The following JMJD1C variants were observed in gnomAD, a reference collection of about 807,000 sequenced individuals.
The protein encoded by JMJD1C is jumonji domain containing 1C.
Under a neutral mutation model 245.3 loss-of-function variants are expected in JMJD1C, and 31 were observed. The ratio of observed to expected loss-of-function variants is 0.13; its 90% CI spans 0.09 to 0.17. The LOEUF is 0.17. JMJD1C is among the 10% of genes least tolerant of loss of function. The pLI is 1.00. For synonymous variants in JMJD1C, 1,057 were observed against 1,017.4 expected (o/e 1.04, Z -0.74); for missense variants, 2,691 against 3,000.2 (o/e 0.90, Z 2.41).
At chr10:63,187,842 T>A (rs1564570803) in intron 18 of JMJD1C, among the ~76,000 whole-genome samples, 1 of 152,206 alleles carries the variant, frequency 6.6e-6, no homozygotes, top group Admixed American at 6.5e-5. Context: ...TCAATTTGAT[T>A]ATACAGATTC....
intron 3 of JMJD1C, among the ~76,000 whole-genome samples, chr10:63,232,270 T>C (rs1850121686): frequency 6.6e-6 from 1 of 152,210 alleles, no homozygotes; most frequent in African/African-American, 2.4e-5. Context: ...GTTCATCTTT[T>C]CAAAGTTGTC....
At position 63,513,729 on chromosome 10, in the gene JMJD1C, A is replaced by G. The variant is rs900253514; in HGVS notation, n.113+8009T>C. Among the ~76,000 whole-genome samples the G allele has an allele frequency of 9.9e-5, 15 of 152,036 alleles. No homozygotes were observed. The South Asian group carries it at 1.7e-3, about 17-fold the overall frequency. ...AGATCGAGACCATCCTGGCTAACAC[A>G]GGGAAACCCCGTCTCTACTAAAAAT... On this transcript the variant is annotated intron_variant and non_coding_transcript_variant, in intron 1 of 3. Coordinates refer to the JMJD1C transcript ENST00000633035.
intron 1 of JMJD1C, among the ~76,000 whole-genome samples, chr10:63,393,142 A>G (rs1173826980): frequency 1.3e-5 from 2 of 152,028 alleles, no homozygotes; most frequent in Non-Finnish European, 2.9e-5. Flanking sequence ...GTGGTGGACA[A>G]CTGTAGTCCC....
intron 2 of JMJD1C, among the ~76,000 whole-genome samples, chr10:63,364,835 A>C (rs1337973799): frequency 2.0e-5 from 3 of 152,194 alleles, no homozygotes; most frequent in Non-Finnish European, 4.4e-5. Context: ...GATCAAACAA[A>C]GGGATGAATT....
intron 18 of JMJD1C, among the ~76,000 whole-genome samples, chr10:63,188,066 C>A (rs936427102): frequency 2.0e-5 from 3 of 152,188 alleles, no homozygotes; most frequent in African/African-American, 7.2e-5. Flanking sequence ...CAAAAAACTT[C>A]ACTTAACCTC....
chr10:63,432,513 A>C (rs953855496), intron 1 of JMJD1C, among the ~76,000 whole-genome samples: 1 of 152,186 alleles, frequency 6.6e-6, no homozygotes, highest in Non-Finnish European at 1.5e-5. Flanking sequence ...AGCTGAACTA[A>C]GGAAGACAAC....
chr10:63,248,852 T>C (rs574782407), intron 3 of JMJD1C, among the ~76,000 whole-genome samples: 13 of 152,262 alleles, frequency 8.5e-5, no homozygotes, highest in Admixed American at 2.6e-4. Context: ...ACGAATGATA[T>C]AGGAAATGTG....
chr10:63,186,260 T>C lies in JMJD1C; in HGVS notation c.6694A>G (p.Asn2232Asp), dbSNP rs750703992. Residue 2232 changes from asparagine to aspartate, a missense_variant, in exon 19 of 26, where the codon AAT becomes GAT. This residue lies in a region of JMJD1C where 232 missense variants were observed against 416.1 expected (regional missense o/e 0.56). Coordinates refer to ENST00000399262, the MANE Select transcript of JMJD1C (RefSeq NM_032776.3). ...LLNCKDSIISNANVKEFWDGF... is the reference protein window; with the variant it reads ...LLNCKDSIISDANVKEFWDGF... Reference sequence around the variant, plus strand: ...TCCCAGAATTCCTTAACATTGGCATTTGAAATGATGCTATCTTTGCAGTTC... The same window carrying C: ...TCCCAGAATTCCTTAACATTGGCATCTGAAATGATGCTATCTTTGCAGTTC... 1.2e-6 allele frequency: 2 copies of C among 1,612,250 alleles called. No individual in the cohort carries two copies. Among genetic ancestry groups the C allele is most frequent in the Non-Finnish European group, 1.7e-6 (2 of 1,179,572 alleles).
intron 2 of JMJD1C, among the ~76,000 whole-genome samples, chr10:63,349,777 G>A (rs1420396144): frequency 6.6e-6 from 1 of 152,050 alleles, no homozygotes; most frequent in Non-Finnish European, 1.5e-5. Flanking sequence ...TTCCAGAAGC[G>A]CTACACAGTT....
chr10:63,486,249 C>T (rs1415729704), intron 1 of JMJD1C, among the ~76,000 whole-genome samples: 2 of 149,218 alleles, frequency 1.3e-5, no homozygotes, highest in Non-Finnish European at 3.0e-5. Context: ...AAGCTTAGCA[C>T]GTTTAAGGGA....
intron 1 of JMJD1C, among the ~76,000 whole-genome samples, chr10:63,446,999 T>C (rs1951756202): frequency 6.6e-6 from 1 of 151,948 alleles, no homozygotes; most frequent in Non-Finnish European, 1.5e-5. Flanking sequence ...TCTGTTATTA[T>C]ATTTATGTTT....
chr10:63,327,219 C>A (rs1474619426), intron 2 of JMJD1C, among the ~76,000 whole-genome samples: 1 of 151,980 alleles, frequency 6.6e-6, no homozygotes, highest in African/African-American at 2.4e-5. Flanking sequence ...GGACAGCCTA[C>A]AATCTGAAAA....
intron 1 of JMJD1C, among the ~76,000 whole-genome samples, chr10:63,419,586 G>C (rs951561481): frequency 6.6e-6 from 1 of 151,976 alleles, no homozygotes; most frequent in African/African-American, 2.4e-5. Flanking sequence ...CTACAGAATA[G>C]ATCTAAAAAA....
intron 1 of JMJD1C, among the ~76,000 whole-genome samples, chr10:63,440,412 G>C (rs556887982): frequency 5.3e-5 from 8 of 150,398 alleles, no homozygotes; most frequent in African/African-American, 2.0e-4. Flanking sequence ...AGCACACGAA[G>C]GAGAGTCGAT....
chr10:63,207,368 G>A lies in JMJD1C; in HGVS notation c.4301C>T (p.Ser1434Phe), dbSNP rs1225775960. 2.0e-5 allele frequency: 33 copies of A among 1,613,838 alleles called. No homozygotes were observed. In the Admixed American group the frequency reaches 5.5e-4, roughly 27 times the overall value. Reference protein sequence around the residue: ...ILASTSSECVSSKSVSQPVAQ... With the variant: ...ILASTSSECVFSKSVSQPVAQ... ...CACTGGCTGACTGACACTTTTTGAA[G>A]ATACACATTCTGATGATGTAGAGGC... is the stretch of plus-strand genomic sequence containing the variant. The change falls in exon 10 of 26, where the codon TCT becomes TTT. Residue 1434 changes from serine (S) to phenylalanine (F), a missense_variant. Ser to Phe is a radical substitution (Grantham distance 155). Around this residue, in one of 9 missense-constraint regions of JMJD1C, gnomAD observed 1,562 missense variants for 1,490.7 expected, o/e 1.05. Coordinates refer to ENST00000399262, the MANE Select transcript of JMJD1C (RefSeq NM_032776.3).
chr10:63,385,561 C>G (rs1220428227), intron 1 of JMJD1C, among the ~76,000 whole-genome samples: 3 of 151,468 alleles, frequency 2.0e-5, no homozygotes, highest in Non-Finnish European at 2.9e-5. Context: ...CCATGGCCTC[C>G]CAAGCATCTG....
intron 3 of JMJD1C, among the ~76,000 whole-genome samples, chr10:63,224,965 G>A (rs1849066460): frequency 6.6e-6 from 1 of 151,984 alleles, no homozygotes; most frequent in Non-Finnish European, 1.5e-5. Flanking sequence ...GGGAGGCTGA[G>A]GCAGGAGAAT....
At chr10:63,324,865 C>T (rs1941334162) in intron 2 of JMJD1C, among the ~76,000 whole-genome samples, 1 of 152,180 alleles carries the variant, frequency 6.6e-6, no homozygotes, top group Non-Finnish European at 1.5e-5. Context: ...TTGAACTAGG[C>T]TTTCAGCTAG....
At chr10:63,471,527 A>C (rs919927115) in intron 1 of JMJD1C, among the ~76,000 whole-genome samples, 2 of 152,242 alleles carry the variant, frequency 1.3e-5, no homozygotes, top group African/African-American at 2.4e-5. Context: ...CTTGCTTAGC[A>C]AAACAAATAT....
Sources: allele counts gnomAD v4.1 joint callset (sites outside exome capture counted in the v4.1 genomes callset), GRCh38; gene constraint gnomAD v4.1.1; regional missense constraint gnomAD v4.1.1; transcripts MANE v1.5; gene names NCBI Gene and HGNC (gene_info 2026-07-23, HGNC 2026-07-21).